Variants in CTNNAL1 observed in about 807,000 individuals in gnomAD.
CTNNAL1 encodes alpha-catulin.
CTNNAL1 carries 69 observed loss-of-function variants against 93.6 expected under a neutral mutation model. The ratio of observed to expected loss-of-function variants is 0.74; its 90% CI spans 0.61 to 0.90. The LOEUF (loss-of-function observed/expected upper bound fraction) is 0.90. Ranked by LOEUF, CTNNAL1 falls within the 40% of genes least tolerant of loss-of-function variation. The pLI is 0.00. For missense variants in CTNNAL1, 836 were observed against 862.0 expected (o/e 0.97, Z 0.38); for synonymous variants, 286 against 305.4 (o/e 0.94, Z 0.66).
chr9:108,989,525 A>C (rs1169151194), intron 4 of CTNNAL1, among the ~76,000 whole-genome samples: 4 of 152,204 alleles, frequency 2.6e-5, no homozygotes, highest in Non-Finnish European at 5.9e-5. Context: ...CCCATTTTTC[A>C]ACTCCAGCTG....
chr9:108,979,220 G>A (rs1831350466), intron 7 of CTNNAL1, 61 bp downstream of exon 7: 4 of 1,589,708 alleles, frequency 2.5e-6, no homozygotes, highest in Non-Finnish European at 3.4e-6. Context: ...TCCATATCTT[G>A]CAAAACTTTA....
chr9:108,984,397 C>T lies in CTNNAL1; in HGVS notation c.679G>A (p.Ala227Thr). The change falls in exon 5 of 19, where the codon GCT becomes ACT. Residue 227 changes from alanine (A) to threonine (T), a missense_variant. By Grantham distance (58) the Ala-to-Thr change is moderately conservative. Transcript: ENST00000325551. Reference sequence around the variant, plus strand: ...GTACACTTTTCAAGAACTGCCCTAGCTGCTGCCATTTTTGCCTTTTTCTTT... The same window carrying T: ...GTACACTTTTCAAGAACTGCCCTAGTTGCTGCCATTTTTGCCTTTTTCTTT... ...DEKKKAKMAA[A>T]RAVLEKCTMM... 6.2e-7 allele frequency: 1 copy of T among 1,612,534 alleles called. No individual in the cohort carries two copies. Among genetic ancestry groups the T allele is most frequent in the Non-Finnish European group, 8.5e-7 (1 of 1,178,730 alleles).
chr9:108,983,497 G>A (rs1175914322), intron 5 of CTNNAL1, among the ~76,000 whole-genome samples, 182 bp from the exon 6 acceptor site: 1 of 152,042 alleles, frequency 6.6e-6, no homozygotes, highest in African/African-American at 2.4e-5. Context: ...GCGATAGCAA[G>A]GTTAAATAAA....
At chr9:108,957,022 T>A (rs1830704102) in intron 11 of CTNNAL1, among the ~76,000 whole-genome samples, 1 of 151,672 alleles carries the variant, frequency 6.6e-6, no homozygotes, top group East Asian at 1.9e-4. Context: ...ACTAAAATAT[T>A]GATTATATGT....
intron 9 of CTNNAL1, among the ~76,000 whole-genome samples, chr9:108,971,650 T>C (rs933486967): frequency 1.3e-5 from 2 of 152,240 alleles, no homozygotes; most frequent in Admixed American, 6.5e-5. Flanking sequence ...GCTTTCATTA[T>C]GAGGCCTCCT....
intron 8 of CTNNAL1, among the ~76,000 whole-genome samples, chr9:108,973,042 T>C (rs1324629363): frequency 6.6e-6 from 1 of 152,200 alleles, no homozygotes; most frequent in Non-Finnish European, 1.5e-5. Flanking sequence ...TGTGTAGCAC[T>C]GGTGAGCTTA....
At chr9:108,947,788 C>A (rs1339844055) in intron 15 of CTNNAL1, among the ~76,000 whole-genome samples, 1 of 152,186 alleles carries the variant, frequency 6.6e-6, no homozygotes, top group African/African-American at 2.4e-5. Flanking sequence ...TTAACAGATA[C>A]TCTCTCATGT....
chr9:108,963,580 A>G (rs1252482215), intron 11 of CTNNAL1: 1 of 152,296 alleles, frequency 6.6e-6, no homozygotes, highest in African/African-American at 2.4e-5. Context: ...GAATGGCTGC[A>G]GCTATTAGTA....
chr9:108,960,950 C>T (rs76140781), intron 11 of CTNNAL1, among the ~76,000 whole-genome samples: 1,778 of 152,240 alleles, frequency 0.012, 11 homozygotes, highest in East Asian at 0.024. Context: ...TGTGAAATTT[C>T]AGTGTCTGGG....
chr9:108,996,383 G>A (rs1412722237), intron 2 of CTNNAL1, among the ~76,000 whole-genome samples: 2 of 152,076 alleles, frequency 1.3e-5, no homozygotes, highest in African/African-American at 2.4e-5. Flanking sequence ...ATTTAATGAA[G>A]TCTTAAATTT....
chr9:108,970,226 C>T (rs1027733566), intron 10 of CTNNAL1, among the ~76,000 whole-genome samples, 176 bp downstream of exon 10: 2 of 152,186 alleles, frequency 1.3e-5, no homozygotes, highest in Admixed American at 6.5e-5. Context: ...ATGACCAGCT[C>T]CAATGGAAGG....
intron 1 of CTNNAL1, among the ~76,000 whole-genome samples, chr9:109,008,675 A>G (rs1284691257): frequency 6.6e-6 from 1 of 152,152 alleles, no homozygotes; most frequent in African/African-American, 2.4e-5. Flanking sequence ...ATGAAGTTGA[A>G]TATCTTTTCC....
intron 10 of CTNNAL1, among the ~76,000 whole-genome samples, chr9:108,967,196 A>G (rs1830978618): frequency 6.6e-6 from 1 of 152,222 alleles, no homozygotes; most frequent in African/African-American, 2.4e-5. Flanking sequence ...TGATAAAAAA[A>G]GAAGATAAAA....
chr9:108,972,868 G>GCCCCCCCCCCGGGT, intron 8 of CTNNAL1, 35 bp from the exon 9 acceptor site: 1 of 1,092,788 alleles, frequency 9.2e-7, no homozygotes, highest in Non-Finnish European at 1.2e-6. Flanking sequence ...GGGTGGGAGG[G>GCCCCCCCCCCGGGT]TGGAGAAGGA....
chr9:108,943,975 G>A lies in CTNNAL1; in HGVS notation c.1928C>T (p.Ala643Val), dbSNP rs1311692900. Residue 643 changes from alanine to valine, a missense_variant, in exon 16 of 19, where the codon GCT (alanine) becomes GTT (valine). Coordinates refer to ENST00000325551, the MANE Select transcript of CTNNAL1 (RefSeq NM_003798.4). ...GACATGTGTTACCTGTTTTGAAAAA[G>A]CTTGAACACTGGAAGTAAGCTTTAA... ...EGLKLTSSVQ[A>V]FSKQLKDDDK... The A allele has an allele frequency of 1.2e-6, 2 of 1,613,526 alleles. No homozygotes were observed. The highest frequency in any genetic ancestry group is 1.7e-6 in the Non-Finnish European group (2 of 1,179,796).
intron 1 of CTNNAL1, among the ~76,000 whole-genome samples, chr9:109,004,760 C>T (rs72607160): frequency 0.22 from 33,496 of 150,918 alleles, 4,523 homozygotes; most frequent in Admixed American, 0.3. Context: ...CACTCCAGCC[C>T]GGGTGACAGA....
rs1042630321 is a variant in CTNNAL1, at chr9:108,999,257, C to G, written c.142-1G>C. 1 of 1,575,894 alleles carries G rather than the reference C, an allele frequency of 6.3e-7. No individual in the cohort carries two copies. The highest frequency in any genetic ancestry group is 2.0e-5 in the Admixed American group (1 of 49,390). ...CTTTATGATTAATAAGCGTGGTGAT[C>G]TAAAAATAAAAGATAAAAGCAACTT... On this transcript the variant is annotated splice_acceptor_variant, in intron 1 of 18. Coordinates refer to ENST00000325551, the MANE Select transcript of CTNNAL1 (RefSeq NM_003798.4). LOFTEE classifies it high-confidence loss of function.
intron 1 of CTNNAL1, among the ~76,000 whole-genome samples, chr9:109,008,319 G>A (rs2132222991): frequency 6.6e-6 from 1 of 152,032 alleles, no homozygotes; most frequent in South Asian, 2.1e-4. Context: ...CACCACGCCA[G>A]CTAACTTTTG....
Position 108,999,352 on chromosome 9 carries a change from T to C in CTNNAL1, c.142-96A>G, listed in dbSNP as rs780013989. On this transcript the variant is annotated intron_variant, in intron 1 of 18. Coordinates refer to ENST00000325551, the MANE Select transcript of CTNNAL1 (RefSeq NM_003798.4). ...AGAAAATGAAGCCTGGCATACTGTA[T>C]AGCTCAATAGACTAAATCAATAGTT... The C allele has an allele frequency of 2.6e-5, 30 of 1,157,900 alleles. No homozygotes were observed. The African/African-American group carries it at 3.3e-4, about 13-fold the overall frequency. 71.7% of individuals were successfully genotyped at this position (1,157,900 alleles called of 1,614,324 possible).
Sources: gnomAD v4.1 joint callset for allele counts (sites outside exome capture counted in the v4.1 genomes callset) on GRCh38, gnomAD v4.1.1 for gene constraint, MANE v1.5 for transcripts, NCBI Gene and HGNC (gene_info 2026-07-23, HGNC 2026-07-21) for gene names.